The following NEBL variants were observed in gnomAD, a reference collection of about 807,000 sequenced individuals.
NEBL encodes nebulette.
Under a neutral mutation model 140.2 loss-of-function variants are expected in NEBL, and 122 were observed. That is an observed-to-expected ratio of 0.87 (90% CI 0.75 to 1.01). The LOEUF (loss-of-function observed/expected upper bound fraction) is 1.01. Among genes scored for constraint, NEBL ranks in the 50% least tolerant of loss-of-function variants. NEBL has a pLI of 0.00. For synonymous variants in NEBL, 436 were observed against 398.9 expected (o/e 1.09, Z -1.11); for missense variants, 1,365 against 1,231.3 (o/e 1.11, Z -1.62).
At chr10:20,995,248 C>T (rs577709458) in intron 3 of NEBL, among the ~76,000 whole-genome samples, 1 of 152,206 alleles carries the variant, frequency 6.6e-6, no homozygotes, top group African/African-American at 2.4e-5. Context: ...CTGACAGAGC[C>T]GGCATGCAGG....
intron 3 of NEBL, among the ~76,000 whole-genome samples, chr10:21,232,621 A>G (rs544821848): frequency 6.6e-6 from 1 of 152,148 alleles, no homozygotes; most frequent in Non-Finnish European, 1.5e-5. Context: ...AGCAGTTCAC[A>G]ATAGGGTTTG....
intron 2 of NEBL, among the ~76,000 whole-genome samples, chr10:21,038,725 G>A (rs527736686): frequency 3.9e-5 from 6 of 152,148 alleles, no homozygotes; most frequent in East Asian, 1.9e-4. Context: ...GAGTATATAC[G>A]CAGTAATGGG....
intron 7 of NEBL, among the ~76,000 whole-genome samples, chr10:20,862,035 C>G (rs1437718808): frequency 1.3e-5 from 2 of 152,088 alleles, no homozygotes; most frequent in Non-Finnish European, 1.5e-5. Flanking sequence ...CGTTGAACAT[C>G]TCATATAATT....
intron 11 of NEBL, among the ~76,000 whole-genome samples, chr10:20,848,066 G>T (rs1265393153): frequency 6.6e-6 from 1 of 152,106 alleles, no homozygotes; most frequent in Non-Finnish European, 1.5e-5. Context: ...GATAGCTCCT[G>T]AAAACAGAAA....
Position 20,833,081 on chromosome 10 carries a change from AT to A in NEBL, c.1450-1499del, listed in dbSNP as rs1840568962. 3.3e-5 allele frequency among the ~76,000 whole-genome samples: 5 copies of A among 152,198 alleles called. No homozygotes were observed. The South Asian group carries it at 8.3e-4, about 25-fold the overall frequency. The stretch of plus-strand genomic sequence containing the variant: ...TTTTAATATGAACTTTCAAATGTAA[AT>A]GTGTTCTAAAGCACATAGACTACAT... On this transcript the variant is annotated intron_variant, in intron 14 of 27. Coordinates refer to ENST00000377122, the MANE Select transcript of NEBL (RefSeq NM_006393.3).
At position 20,823,197 on chromosome 10, in the gene NEBL, A is replaced by G. The variant is rs1298764431; in HGVS notation, c.1962+11T>C. The G allele has an allele frequency of 6.3e-7, 1 of 1,584,892 alleles. No individual in the cohort carries two copies. Among genetic ancestry groups the G allele is most frequent in the Non-Finnish European group, 8.6e-7 (1 of 1,158,574 alleles). On this transcript the variant is annotated intron_variant, in intron 19 of 27. Transcript: ENST00000377122. The stretch of plus-strand genomic sequence containing the variant: ...TAAAATTTTTAAAAAATACTTAAGA[A>G]ATATGATCACATTGCTGATGTTCTT...
intron 3 of NEBL, among the ~76,000 whole-genome samples, chr10:21,237,525 A>T (rs1564547780): frequency 6.6e-6 from 1 of 151,818 alleles, no homozygotes. Context: ...TCTTTCATGA[A>T]GCCTTTTTTT....
chr10:21,213,201 G>C (rs1322180668), intron 3 of NEBL, among the ~76,000 whole-genome samples: 2 of 152,198 alleles, frequency 1.3e-5, no homozygotes, highest in Non-Finnish European at 2.9e-5. Context: ...AAAGAATGCA[G>C]AAAAAGATAA....
intron 2 of NEBL, among the ~76,000 whole-genome samples, chr10:21,027,568 G>T (rs1213464560): frequency 6.6e-6 from 1 of 151,940 alleles, no homozygotes; most frequent in Non-Finnish European, 1.5e-5. Flanking sequence ...GGGCTCAAGT[G>T]GTCCAATCAA....
intron 2 of NEBL, among the ~76,000 whole-genome samples, chr10:21,105,423 G>A (rs1837668543): frequency 6.6e-6 from 1 of 151,896 alleles, no homozygotes; most frequent in Non-Finnish European, 1.5e-5. Context: ...ACCTATAAGT[G>A]AGAACATGCG....
chr10:21,103,446 C>T (rs1316483061), intron 2 of NEBL, among the ~76,000 whole-genome samples: 1 of 152,138 alleles, frequency 6.6e-6, no homozygotes, highest in Admixed American at 6.5e-5. Context: ...ATCTCCTCAC[C>T]TCCTGATCCG....
At chr10:21,281,414 A>G (rs12358193) in intron 1 of NEBL, among the ~76,000 whole-genome samples, 3,635 of 151,990 alleles carry the variant, frequency 0.024, 76 homozygotes, top group Non-Finnish European at 0.035. Flanking sequence ...CTCCTGCCTC[A>G]GCCTCCCAAC....
intron 4 of NEBL, among the ~76,000 whole-genome samples, chr10:20,945,345 C>T (rs758743068): frequency 3.9e-5 from 6 of 152,178 alleles, no homozygotes; most frequent in African/African-American, 7.2e-5. Flanking sequence ...TACCAGGCTA[C>T]GTTCTGTGTT....
At chr10:21,046,467 C>G (rs1350992239) in intron 2 of NEBL, among the ~76,000 whole-genome samples, 4 of 152,230 alleles carry the variant, frequency 2.6e-5, no homozygotes, top group Non-Finnish European at 4.4e-5. Flanking sequence ...ACACCATAAA[C>G]ATACATAACT....
chr10:21,255,051 G>C (rs1021454265), intron 1 of NEBL, among the ~76,000 whole-genome samples: 15 of 152,050 alleles, frequency 9.9e-5, no homozygotes, highest in African/African-American at 3.4e-4. Context: ...CAGTCTATCA[G>C]ACTCTGCTCC....
At chr10:21,177,622 C>T (rs1049591220), upstream of NEBL, among the ~76,000 whole-genome samples, 2 of 152,052 alleles carry the variant, frequency 1.3e-5, no homozygotes, top group Middle Eastern at 3.4e-3. Context: ...CTCTGCCTCC[C>T]GGGTTCACTC....
chr10:21,246,079 C>G (rs1227162285), intron 3 of NEBL, among the ~76,000 whole-genome samples: 4 of 152,184 alleles, frequency 2.6e-5, no homozygotes, highest in African/African-American at 9.7e-5. Context: ...TGGTAGTGAA[C>G]AGGAGGAGTG....
intron 4 of NEBL, among the ~76,000 whole-genome samples, chr10:20,926,314 T>C (rs1833910289): frequency 6.6e-6 from 1 of 152,226 alleles, no homozygotes; most frequent in African/African-American, 2.4e-5. Flanking sequence ...TGATTTATAT[T>C]CATGGGATTC....
At position 20,785,940 on chromosome 10, in the gene NEBL, G is replaced by T; in HGVS notation, c.2869-17C>A. 6.2e-7 allele frequency: 1 copy of T among 1,612,238 alleles called. No individual in the cohort carries two copies. Among genetic ancestry groups the T allele is most frequent in the East Asian group, 2.2e-5 (1 of 44,848 alleles). On this transcript the variant is annotated splice_polypyrimidine_tract_variant and intron_variant, in intron 27 of 27. Transcript: ENST00000377122. ...GTAGGTCCTCTGAGAAAGGAAGAAG[G>T]GATTATACGATGAATGCCGAAATAG...
Sources: gnomAD v4.1 joint callset for allele counts (sites outside exome capture counted in the v4.1 genomes callset) on GRCh38, gnomAD v4.1.1 for gene constraint, MANE v1.5 for transcripts, NCBI Gene and HGNC (gene_info 2026-07-23, HGNC 2026-07-21) for gene names.